The following LRIG1 variants were observed in gnomAD, a reference collection of about 807,000 sequenced individuals.
LRIG1 encodes leucine rich repeats and immunoglobulin like domains 1, also known as leucine-rich repeats and immunoglobulin-like domains protein 1.
A neutral mutation model predicts 99.2 loss-of-function variants in LRIG1; 48 were observed. The observed-to-expected ratio is 0.48, with a 90% CI of 0.38 to 0.62. The LOEUF (loss-of-function observed/expected upper bound fraction) is 0.62. Ranked by LOEUF, LRIG1 falls within the 20% of genes least tolerant of loss-of-function variation. LRIG1 has a pLI of 0.00. For synonymous variants in LRIG1, 772 were observed against 596.1 expected (o/e 1.29, Z -4.30); for missense variants, 1,646 against 1,434.4 (o/e 1.15, Z -2.38).
At chr3:66,408,945 T>TGTGTGTGC (rs2106662338) in intron 7 of LRIG1, among the ~76,000 whole-genome samples, 1 of 105,916 alleles carries the variant, frequency 9.4e-6, no homozygotes, top group African/African-American at 3.8e-5. Context: ...TGTGTGTGTG[T>TGTGTGTGC]GTGTGTGTGT....
At chr3:66,402,854 AGC>A (rs1377749694) in intron 9 of LRIG1, among the ~76,000 whole-genome samples, 1 of 152,350 alleles carries the variant, frequency 6.6e-6, no homozygotes, top group Non-Finnish European at 1.5e-5. Context: ...CCAGGGCCAC[AGC>A]GCAGAACTTT....
chr3:66,431,986 T>C (rs1367483147), intron 3 of LRIG1, among the ~76,000 whole-genome samples: 1 of 152,208 alleles, frequency 6.6e-6, no homozygotes, highest in Non-Finnish European at 1.5e-5. Context: ...CCCACCCCAT[T>C]TTGCATACTG....
intron 9 of LRIG1, among the ~76,000 whole-genome samples, chr3:66,400,145 T>G (rs997583726): frequency 5.3e-5 from 8 of 152,220 alleles, no homozygotes; most frequent in African/African-American, 1.9e-4. Context: ...GCCTTAGCAG[T>G]AACTGTTAAG....
At position 66,410,161 on chromosome 3, in the gene LRIG1, C is replaced by T. The variant is rs1397993847; in HGVS notation, c.903G>A (p.Lys301=). The T allele has an allele frequency of 1.2e-6, 2 of 1,614,072 alleles. No individual in the cohort carries two copies. Among genetic ancestry groups the T allele is most frequent in the Admixed American group, 3.3e-5 (2 of 60,024 alleles). The change falls in exon 7 of 19, where the codon AAG becomes AAA. Residue 301 remains lysine, a synonymous_variant. Transcript: ENST00000273261. Reference sequence around the variant, plus strand: ...GCAGCTTCTGGCAGAAGCTCCAGCCCTTGCGGTGAATGCGAGCGATGGAAT... The same window carrying T: ...GCAGCTTCTGGCAGAAGCTCCAGCCTTTGCGGTGAATGCGAGCGATGGAAT... ...SNNSIARIHR[K]GWSFCQKLHE...
chr3:66,401,688 C>CAGGAGAA, intron 9 of LRIG1: 6 of 1,525,210 alleles, frequency 3.9e-6, no homozygotes, highest in Non-Finnish European at 5.3e-6. Flanking sequence ...AGGCTGCTGC[C>CAGGAGAA]AGGAGAAAGG....
intron 2 of LRIG1, among the ~76,000 whole-genome samples, chr3:66,461,608 G>A (rs1027753701): frequency 1.3e-5 from 2 of 152,116 alleles, no homozygotes; most frequent in Admixed American, 6.5e-5. Flanking sequence ...TTCACTAGGT[G>A]TTCACAATGG....
Position 66,380,018 on chromosome 3 carries a change from GAT to G in LRIG1, c.*243_*244del. The G allele has an allele frequency of 2.9e-6, 1 of 342,584 alleles. No homozygotes were observed. The highest frequency in any genetic ancestry group is 5.3e-6 in the Non-Finnish European group (1 of 188,914). 21.2% of individuals were successfully genotyped at this position (342,584 alleles called of 1,614,324 possible). On this transcript the variant is annotated 3_prime_UTR_variant, in exon 19 of 19. Coordinates refer to ENST00000273261, the MANE Select transcript of LRIG1 (RefSeq NM_015541.3). ...AAAGATTAAAATAGCCTCTGTAAAA[GAT>G]ATATATGAAATCTCTGAAAACTCTT...
rs757826012 is a variant in LRIG1 at position 66,383,397 on chromosome 3, G to A, written c.2076C>T (p.Thr692=). The A allele has an allele frequency of 1.9e-6, 3 of 1,554,510 alleles. No homozygotes were observed. Among genetic ancestry groups the A allele is most frequent in the South Asian group, 1.2e-5 (1 of 81,472 alleles). ...SANATLTVLE[T]PSLVVPLEDR... is the part of the protein sequence containing the mutation. The stretch of plus-strand genomic sequence containing the variant: ...CTTCCAAGGGGACCACCAAGGATGG[G>A]GTCTCTACAAGAGAGCAACAGAGAT... The change falls in exon 15 of 19, where the codon ACC becomes ACT. Residue 692 remains threonine (T), a synonymous_variant. Coordinates refer to ENST00000273261, the MANE Select transcript of LRIG1 (RefSeq NM_015541.3).
intron 2 of LRIG1, among the ~76,000 whole-genome samples, chr3:66,461,529 T>C (rs1386364308): frequency 2.0e-5 from 3 of 152,194 alleles, no homozygotes; most frequent in African/African-American, 7.2e-5. Context: ...TAAGGATAAG[T>C]AGGAAAGACT....
chr3:66,398,913 C>A (rs1034447587), intron 10 of LRIG1, 57 bp downstream of exon 10: 2 of 1,459,498 alleles, frequency 1.4e-6, no homozygotes, highest in African/African-American at 1.4e-5. Context: ...TAGCAGAACT[C>A]CCCGGCAGCC....
rs902309350 is a variant in LRIG1 at position 66,380,603 on chromosome 3, T to C, written c.3029A>G (p.Lys1010Arg). 1.2e-6 allele frequency: 2 copies of C among 1,614,090 alleles called. No individual in the cohort carries two copies. Among genetic ancestry groups the C allele is most frequent in the South Asian group, 1.1e-5 (1 of 91,078 alleles). The change falls in exon 18 of 19, where the codon AAG becomes AGG. Residue 1010 changes from lysine to arginine, a missense_variant. Physicochemically the swap from Lys to Arg is conservative, Grantham distance 26. Transcript: ENST00000273261. ...HDRMLTAVKK[K>R]PMASLDGKGD... ...TTTCCCATCTAGAGATGCCATTGGC[T>C]TTTTCTTCACAGCCGTCAGCATTCT... is the stretch of plus-strand genomic sequence containing the variant.
intron 4 of LRIG1, 145 bp from the exon 5 acceptor site, chr3:66,415,208 A>C: frequency 1.3e-6 from 1 of 798,316 alleles, no homozygotes. Context: ...TTTATCAGCC[A>C]CAGGCTTTGG....
Position 66,380,451 on chromosome 3 carries a change from C to T in LRIG1, c.3094G>A (p.Asp1032Asn). 2 of 1,614,156 alleles carry T rather than the reference C, an allele frequency of 1.2e-6. No individual in the cohort carries two copies. The highest frequency in any genetic ancestry group is 2.2e-5 in the East Asian group (1 of 44,884). ...SWTLARLYHP[D>N]STELQPASSL... Reference sequence around the variant, plus strand: ...GATGCAGGCTGTAGCTCTGTGGAGTCCGGGTGATACAACCTTGCTAAAGTC... The same window carrying T: ...GATGCAGGCTGTAGCTCTGTGGAGTTCGGGTGATACAACCTTGCTAAAGTC... Residue 1032 changes from aspartate (D) to asparagine (N), a missense_variant, in exon 19 of 19, where the codon GAC becomes AAC. Coordinates refer to ENST00000273261, the MANE Select transcript of LRIG1 (RefSeq NM_015541.3).
intron 3 of LRIG1, among the ~76,000 whole-genome samples, chr3:66,444,808 A>G (rs1323728773): frequency 6.6e-6 from 1 of 152,200 alleles, no homozygotes; most frequent in Non-Finnish European, 1.5e-5. Context: ...AAATCTGTGC[A>G]AACAGGGAAG....
chr3:66,477,482 C>T (rs1048711289), intron 1 of LRIG1, among the ~76,000 whole-genome samples: 15 of 152,142 alleles, frequency 9.9e-5, no homozygotes, highest in Admixed American at 3.9e-4. Flanking sequence ...TAATCTGGCC[C>T]CTCCAAATGG....
intron 3 of LRIG1, among the ~76,000 whole-genome samples, chr3:66,446,403 C>CT (rs1178928806): frequency 0.013 from 1,710 of 129,096 alleles, 35 homozygotes; most frequent in South Asian, 0.02. Context: ...GCCCACCCGC[C>CT]TTTTTTTTTT....
chr3:66,384,695 C>T (rs182645138), intron 13 of LRIG1, among the ~76,000 whole-genome samples: 30 of 151,570 alleles, frequency 2.0e-4, no homozygotes, highest in Admixed American at 1.4e-3. Flanking sequence ...ATGGCTCATC[C>T]GTTTGGATGG....
At chr3:66,484,684 A>G (rs1342009272) in intron 1 of LRIG1, among the ~76,000 whole-genome samples, 2 of 152,280 alleles carry the variant, frequency 1.3e-5, no homozygotes, top group South Asian at 4.1e-4. Flanking sequence ...GATGAGGGGC[A>G]GGTGGACAGT....
At chr3:66,440,088 G>A (rs1222020013) in intron 3 of LRIG1, among the ~76,000 whole-genome samples, 2 of 152,024 alleles carry the variant, frequency 1.3e-5, no homozygotes, top group Non-Finnish European at 2.9e-5. Flanking sequence ...TGAGAGGGGA[G>A]GAGACAAGAG....
Sources: gnomAD v4.1 joint callset for allele counts (sites outside exome capture counted in the v4.1 genomes callset) on GRCh38, gnomAD v4.1.1 for gene constraint, MANE v1.5 for transcripts, NCBI Gene and HGNC (gene_info 2026-07-23, HGNC 2026-07-21) for gene names.